LRRC8D: variants seen among roughly 807,000 people sequenced by gnomAD.
LRRC8D encodes the protein leucine rich repeat containing 8 VRAC subunit D.
A neutral mutation model predicts 55.8 loss-of-function variants in LRRC8D; 20 were observed. The observed-to-expected ratio is 0.36, with a 90% CI of 0.25 to 0.52. LRRC8D has a LOEUF of 0.52. LRRC8D is among the 20% of genes least tolerant of loss of function. The probability of loss-of-function intolerance (pLI) is 0.93; values close to 1 mark genes in which losing one functional copy is unlikely to be tolerated. For synonymous variants in LRRC8D, 352 were observed against 377.0 expected (o/e 0.93, Z 0.77); for missense variants, 651 against 1,030.8 (o/e 0.63, Z 5.05).
chr1:89,896,550 G>T lies in LRRC8D; in HGVS notation c.-2-36517G>T, dbSNP rs575257402. ...CTGTGAAGACTTAACACAGGTGAGG[G>T]GTGTTCAGGCCGAGGGTAGGGCAAG... On this transcript the variant is annotated intron_variant, in intron 2 of 2. Coordinates refer to ENST00000337338, the MANE Select transcript of LRRC8D (RefSeq NM_001134479.2). 2.0e-5 allele frequency among the ~76,000 whole-genome samples: 3 copies of T among 152,180 alleles called. No individual in the cohort carries two copies. The South Asian group carries it at 6.2e-4, about 32-fold the overall frequency.
chr1:89,851,918 A>T (rs1256311603), intron 2 of LRRC8D, among the ~76,000 whole-genome samples: 1 of 152,134 alleles, frequency 6.6e-6, no homozygotes, highest in African/African-American at 2.4e-5. Flanking sequence ...CTCAAAATAG[A>T]TATTGTGTGA....
At chr1:89,924,369 G>A (rs1663500827) in intron 2 of LRRC8D, among the ~76,000 whole-genome samples, 1 of 152,156 alleles carries the variant, frequency 6.6e-6, no homozygotes, top group Non-Finnish European at 1.5e-5. Context: ...AAGTCAGTGA[G>A]ATACCCTCTC....
chr1:89,907,546 C>T (rs1235140495), intron 2 of LRRC8D, among the ~76,000 whole-genome samples: 1 of 152,128 alleles, frequency 6.6e-6, no homozygotes, highest in East Asian at 1.9e-4. Flanking sequence ...AGGAATCACA[C>T]TGTCTATTGA....
At chr1:89,897,983 C>T (rs1662756364) in intron 2 of LRRC8D, among the ~76,000 whole-genome samples, 1 of 152,112 alleles carries the variant, frequency 6.6e-6, no homozygotes, top group South Asian at 2.1e-4. Flanking sequence ...CCTAGCACAG[C>T]AGATAACAGA....
chr1:89,846,705 T>TA (rs1661291434), intron 2 of LRRC8D: 1 of 152,196 alleles, frequency 6.6e-6, no homozygotes, highest in South Asian at 2.1e-4. Context: ...ATTTGAAATT[T>TA]ACACTTCCTG....
chr1:89,907,109 G>A lies in LRRC8D; in HGVS notation c.-2-25958G>A, dbSNP rs187443591. On this transcript the variant is annotated intron_variant, in intron 2 of 2. Coordinates refer to ENST00000337338, the MANE Select transcript of LRRC8D (RefSeq NM_001134479.2). ...CAGGAAGGCTATTTTCATGTATCAC[G>A]TTCAGAACACAAAGGGTCCCAAAGG... Among the ~76,000 whole-genome samples, 172 of 149,910 alleles carry A rather than the reference G, an allele frequency of 1.1e-3. 1 individual carries two copies. In the Middle Eastern group the frequency reaches 0.014, roughly 12 times the overall value.
In LRRC8D at chr1:89,860,712, C is replaced by T. The variant is rs1661681200; in HGVS notation, c.-3+16930C>T. Among the ~76,000 whole-genome samples the T allele has an allele frequency of 4.0e-5, 5 of 126,420 alleles. No individual in the cohort carries two copies. In the South Asian group the frequency reaches 1.1e-3, roughly 27 times the overall value. 82.9% of individuals were successfully genotyped at this position (126,420 alleles called of 152,430 possible). On this transcript the variant is annotated intron_variant, in intron 2 of 2. Coordinates refer to ENST00000337338, the MANE Select transcript of LRRC8D (RefSeq NM_001134479.2). The stretch of plus-strand genomic sequence containing the variant: ...GGTGGAGGTTGCAGTGAGCCGAGAT[C>T]ACGCCACTGCACTCCAGCCTGGCAA...
chr1:89,876,519 G>T (rs944706530), intron 2 of LRRC8D, among the ~76,000 whole-genome samples: 2 of 152,198 alleles, frequency 1.3e-5, no homozygotes, highest in African/African-American at 4.8e-5. Flanking sequence ...CACAGAGAGT[G>T]CAGAGAGGTT....
At chr1:89,869,159 G>A (rs74781250) in intron 2 of LRRC8D, among the ~76,000 whole-genome samples, 14,979 of 152,028 alleles carry the variant, frequency 0.099, 1,001 homozygotes, top group South Asian at 0.16. Context: ...CGCCTACCTC[G>A]ACCTCCCAAA....
intron 2 of LRRC8D, among the ~76,000 whole-genome samples, chr1:89,863,880 G>A (rs1367660330): frequency 6.6e-6 from 1 of 152,204 alleles, no homozygotes; most frequent in Admixed American, 6.5e-5. Flanking sequence ...AGGGTTGTTT[G>A]TTCTTAGAAA....
chr1:89,933,351 A>G lies in LRRC8D; in HGVS notation c.283A>G (p.Thr95Ala). 3 of 1,614,166 alleles carry G rather than the reference A, an allele frequency of 1.9e-6. No individual in the cohort carries two copies. Among genetic ancestry groups the G allele is most frequent in the Non-Finnish European group, 2.5e-6 (3 of 1,180,036 alleles). Reference sequence around the variant, plus strand: ...CAACCAAGACCAAGATGGGCGGACAACAAACGACATTTCCTTTGGGACATC... The same window carrying G: ...CAACCAAGACCAAGATGGGCGGACAGCAAACGACATTTCCTTTGGGACATC... ...ATNQDQDGRT[T>A]NDISFGTSAV... The change falls in exon 3 of 3, where the codon ACA (threonine) becomes GCA (alanine). Residue 95 changes from threonine (T) to alanine (A), a missense_variant. By Grantham distance (58) the Thr-to-Ala change is moderately conservative. Around this residue, in one of 5 missense-constraint regions of LRRC8D, gnomAD observed 118 missense variants for 138.0 expected, o/e 0.85. Transcript: ENST00000337338. This position sits in a 1 kb window ranked among gnomAD's most constrained non-coding sequence, Gnocchi z 7.0.
intron 1 of LRRC8D, chr1:89,843,342 G>A (rs1025274623): frequency 1.6e-5 from 4 of 243,452 alleles, no homozygotes; most frequent in Non-Finnish European, 3.1e-5. Context: ...CTTGTGGGGA[G>A]GGGAGAACCC....
intron 2 of LRRC8D, among the ~76,000 whole-genome samples, chr1:89,923,065 TG>T (rs1387367891): frequency 1.3e-5 from 2 of 152,216 alleles, no homozygotes; most frequent in Admixed American, 1.3e-4. Flanking sequence ...TCAACCCTGT[TG>T]TTTTCAGATT....
At chr1:89,931,036 T>C (rs1056275916) in intron 2 of LRRC8D, among the ~76,000 whole-genome samples, 29 of 143,736 alleles carry the variant, frequency 2.0e-4, no homozygotes, top group Non-Finnish European at 3.5e-4. Flanking sequence ...TTACAAAGAC[T>C]GGTTACCAGG....
At chr1:89,835,073 GCA>G (rs10556472) in intron 1 of LRRC8D, among the ~76,000 whole-genome samples, 145,907 of 152,232 alleles carry the variant, frequency 0.96, 70,237 homozygotes, top group Middle Eastern at 1. Flanking sequence ...GCTTTCGCCA[GCA>G]CTAGGCTGCA....
At chr1:89,886,132 C>T (rs746018456) in intron 2 of LRRC8D, among the ~76,000 whole-genome samples, 1 of 152,108 alleles carries the variant, frequency 6.6e-6, no homozygotes, top group African/African-American at 2.4e-5. Flanking sequence ...TCATTGCCTT[C>T]GAAATTTTTC....
At chr1:89,821,595 AC>A (rs1480339599) in intron 1 of LRRC8D, among the ~76,000 whole-genome samples, 1 of 151,710 alleles carries the variant, frequency 6.6e-6, no homozygotes, top group Non-Finnish European at 1.5e-5. Context: ...TGGCTCCTGA[AC>A]CCCTCGCGCG....
chr1:89,885,548 G>A (rs1017200105), intron 2 of LRRC8D, among the ~76,000 whole-genome samples: 4 of 152,066 alleles, frequency 2.6e-5, no homozygotes, highest in Non-Finnish European at 4.4e-5. Flanking sequence ...TAGTACCAGC[G>A]CATTTAACAG....
At chr1:89,864,946 A>C (rs959578362) in intron 2 of LRRC8D, among the ~76,000 whole-genome samples, 1 of 151,910 alleles carries the variant, frequency 6.6e-6, no homozygotes, top group Non-Finnish European at 1.5e-5. Context: ...TGTTTGGGTA[A>C]CTCCTGTGTC....
Sources: allele counts gnomAD v4.1 joint callset (sites outside exome capture counted in the v4.1 genomes callset), GRCh38; gene constraint gnomAD v4.1.1; regional missense constraint gnomAD v4.1.1; non-coding constraint Gnocchi (gnomAD v3.1); transcripts MANE v1.5; gene names NCBI Gene and HGNC (gene_info 2026-07-23, HGNC 2026-07-21).